The following FGD5 variants were observed in gnomAD, a reference collection of about 807,000 sequenced individuals.
FGD5 encodes the protein FYVE, RhoGEF and PH domain containing 5.
FGD5 carries 28 observed loss-of-function variants against 133.4 expected under a neutral mutation model. That is an observed-to-expected ratio of 0.21 (90% confidence interval 0.16 to 0.29). The LOEUF (loss-of-function observed/expected upper bound fraction) is 0.29, where lower values mean the gene tolerates loss of function less well. Ranked by LOEUF, FGD5 falls within the 10% of genes least tolerant of loss-of-function variation. The pLI is 1.00. For missense variants in FGD5, 1,858 were observed against 1,895.2 expected (o/e 0.98, Z 0.36); for synonymous variants, 810 against 776.5 (o/e 1.04, Z -0.72).
intron 18 of FGD5, among the ~76,000 whole-genome samples, chr3:14,926,599 C>T (rs928593927): frequency 6.6e-6 from 1 of 152,156 alleles, no homozygotes; most frequent in East Asian, 1.9e-4. Flanking sequence ...CCCTTTTTGT[C>T]TGTCCATTTC....
At chr3:14,897,340 T>G (rs1252253530) in intron 4 of FGD5, 169 bp from the exon 5 acceptor site, 1 of 747,108 alleles carries the variant, frequency 1.3e-6, no homozygotes, top group Non-Finnish European at 2.1e-6. Flanking sequence ...CAGGTGCATG[T>G]GGTCATCTCT....
intron 1 of FGD5, among the ~76,000 whole-genome samples, chr3:14,841,038 C>T (rs992282666): frequency 3.3e-5 from 5 of 152,188 alleles, no homozygotes; most frequent in African/African-American, 7.2e-5. Flanking sequence ...TGCTCCTGTC[C>T]TTTCATGATG....
chr3:14,891,560 A>G (rs1214237288), intron 4 of FGD5, among the ~76,000 whole-genome samples: 1 of 152,148 alleles, frequency 6.6e-6, no homozygotes, highest in Non-Finnish European at 1.5e-5. Context: ...AAGACCTTGA[A>G]TTGTGCTGGA....
At chr3:14,932,797 G>A in intron 19 of FGD5, 66 bp downstream of exon 19, 2 of 1,561,620 alleles carry the variant, frequency 1.3e-6, no homozygotes, top group Non-Finnish European at 1.7e-6. Flanking sequence ...TTGTTTCTTG[G>A]GGCTTTGGCT....
chr3:14,931,757 C>A (rs762525269), intron 18 of FGD5: 2 of 152,102 alleles, frequency 1.3e-5, no homozygotes, highest in Non-Finnish European at 2.9e-5. Context: ...TGCAAGTGCT[C>A]CATATTGAAA....
chr3:14,855,344 C>T (rs1441721662), intron 1 of FGD5, among the ~76,000 whole-genome samples: 1 of 150,916 alleles, frequency 6.6e-6, no homozygotes, highest in Non-Finnish European at 1.5e-5. Context: ...CCTCCATATA[C>T]TGATTTTCTT....
Position 14,917,137 on chromosome 3 carries a change from C to T in FGD5, c.3406-112C>T. 1.1e-6 allele frequency: 1 copy of T among 899,538 alleles called. No individual in the cohort carries two copies. The allele number at this position is 899,538 out of a possible 1,614,324, so 55.7% of individuals were successfully genotyped here. Reference sequence around the variant, plus strand: ...CGTTTTTGCTCACCTGTGGGGGTTACTGAGGAATACAAGATGCCTGTGCAC... The same window carrying T: ...CGTTTTTGCTCACCTGTGGGGGTTATTGAGGAATACAAGATGCCTGTGCAC... On this transcript the variant is annotated intron_variant, in intron 11 of 19. Coordinates refer to ENST00000285046, the MANE Select transcript of FGD5 (RefSeq NM_152536.4). The surrounding 1 kb of genome is among the most constrained non-coding windows in gnomAD (Gnocchi z 4.1).
At chr3:14,861,959 CAGAG>C (rs1483011461) in intron 1 of FGD5, among the ~76,000 whole-genome samples, 1 of 152,138 alleles carries the variant, frequency 6.6e-6, no homozygotes, top group African/African-American at 2.4e-5. Flanking sequence ...AGGGTGAAGT[CAGAG>C]AGCTCAGGAA....
chr3:14,827,389 T>C (rs1401617520), intron 1 of FGD5, among the ~76,000 whole-genome samples: 1 of 150,770 alleles, frequency 6.6e-6, no homozygotes, highest in Non-Finnish European at 1.5e-5. Flanking sequence ...CCCAGGTTCA[T>C]GCCATTCTCC....
rs1368966744 is a variant in FGD5, at chr3:14,821,558, T to G, written c.2487T>G (p.Phe829Leu). Residue 829 changes from phenylalanine (F) to leucine (L), a missense_variant, in exon 1 of 20, where the codon TTT becomes TTG. Transcript: ENST00000285046. ...TGGACATGAGCAGCTTCAACGCCTT[T>G]GAGAGCAAACAGCAGAGTGCAGACC... is the stretch of plus-strand genomic sequence containing the variant. ...GYVDMSSFNA[F>L]ESKQQSADQD... 6.2e-7 allele frequency: 1 copy of G among 1,611,840 alleles called. No individual in the cohort carries two copies. Among genetic ancestry groups the G allele is most frequent in the Non-Finnish European group, 8.5e-7 (1 of 1,178,572 alleles).
At chr3:14,837,413 A>C (rs2125082254) in intron 1 of FGD5, among the ~76,000 whole-genome samples, 1 of 152,260 alleles carries the variant, frequency 6.6e-6, no homozygotes, top group Non-Finnish European at 1.5e-5. Context: ...CCTTGGTGAC[A>C]GGCAGAAATT....
At chr3:14,890,611 TC>T (rs1316120797) in intron 4 of FGD5, among the ~76,000 whole-genome samples, 2 of 152,170 alleles carry the variant, frequency 1.3e-5, no homozygotes, top group Non-Finnish European at 2.9e-5. Context: ...ACTCAGCACT[TC>T]CAGCTGGTGC....
At chr3:14,913,124 A>G (rs1424184653) in intron 11 of FGD5, among the ~76,000 whole-genome samples, 1 of 152,160 alleles carries the variant, frequency 6.6e-6, no homozygotes, top group Non-Finnish European at 1.5e-5. Context: ...ATCCTGCTCC[A>G]TGGTACACTT....
chr3:14,910,685 G>A (rs2038431145), intron 10 of FGD5, among the ~76,000 whole-genome samples, 176 bp from the exon 11 acceptor site: 1 of 152,140 alleles, frequency 6.6e-6, no homozygotes, highest in South Asian at 2.1e-4. Context: ...GGATTTATCT[G>A]CTAGCTGCTC....
In FGD5 at chr3:14,907,727, A is replaced by G. The variant is rs749985515; in HGVS notation, c.3336+16A>G. ...GCCAGGAAGGGTGAGTGCCGCCACC[A>G]TGGGTAGGGGCAGAGGGTGGCTGGG... is the stretch of plus-strand genomic sequence containing the variant. On this transcript the variant is annotated intron_variant, in intron 10 of 19. Transcript: ENST00000285046. 1 of 1,611,706 alleles carries G rather than the reference A, an allele frequency of 6.2e-7. No homozygotes were observed. The highest frequency in any genetic ancestry group is 8.5e-7 in the Non-Finnish European group (1 of 1,178,214).
chr3:14,871,907 A>C (rs1049307734), intron 2 of FGD5, among the ~76,000 whole-genome samples: 1 of 152,188 alleles, frequency 6.6e-6, no homozygotes, highest in East Asian at 1.9e-4. Flanking sequence ...CTCGCTCTTC[A>C]TGGCCTATGG....
chr3:14,811,860 C>T (rs1354283505), intron 1 of FGD5, among the ~76,000 whole-genome samples: 1 of 152,152 alleles, frequency 6.6e-6, no homozygotes, highest in African/African-American at 2.4e-5. Flanking sequence ...AATCACCACT[C>T]TATTTTCTTT....
upstream of FGD5, among the ~76,000 whole-genome samples, chr3:14,816,649 C>T (rs1575183311): frequency 6.6e-6 from 1 of 152,166 alleles, no homozygotes; most frequent in Non-Finnish European, 1.5e-5. Flanking sequence ...TAACAGGTAG[C>T]TGAAGCATAT....
chr3:14,888,315 G>C (rs1171593610), intron 4 of FGD5, among the ~76,000 whole-genome samples: 1 of 152,178 alleles, frequency 6.6e-6, no homozygotes, highest in Non-Finnish European at 1.5e-5. Context: ...AAGTGAACGA[G>C]GCACACTGCT....
Sources: allele counts gnomAD v4.1 joint callset (sites outside exome capture counted in the v4.1 genomes callset), GRCh38; gene constraint gnomAD v4.1.1; non-coding constraint Gnocchi (gnomAD v3.1); transcripts MANE v1.5; gene names NCBI Gene and HGNC (gene_info 2026-07-23, HGNC 2026-07-21).